Variants in AKAP19 observed in about 807,000 individuals in gnomAD.
AKAP19 encodes the protein A-kinase anchoring protein 19.
the AKAP19 span, among the ~76,000 whole-genome samples, chr2:189,899,394 T>C: frequency 2.0e-5 from 3 of 152,294 alleles, no homozygotes; most frequent in Non-Finnish European, 4.4e-5. Context: ...TGTGATCTCC[T>C]CTCCTTCATA....
chr2:190,194,080 G>C, the AKAP19 span, among the ~76,000 whole-genome samples: 947 of 152,060 alleles, frequency 6.2e-3, 11 homozygotes, highest in African/African-American at 0.022. Flanking sequence ...AATATATGAG[G>C]CTTTTCTAGA....
chr2:189,939,784 A>G, the AKAP19 span, among the ~76,000 whole-genome samples: 1 of 152,246 alleles, frequency 6.6e-6, no homozygotes, highest in African/African-American at 2.4e-5. Context: ...AAAATTCACT[A>G]GGAACTCTTA....
chr2:190,020,644 G>C, the AKAP19 span, among the ~76,000 whole-genome samples: 1 of 152,086 alleles, frequency 6.6e-6, no homozygotes, highest in South Asian at 2.1e-4. Flanking sequence ...CAATTTAGTA[G>C]CATTAAGTAC....
At chr2:190,126,765 A>G in the AKAP19 span, among the ~76,000 whole-genome samples, 1 of 152,084 alleles carries the variant, frequency 6.6e-6, no homozygotes, top group Non-Finnish European at 1.5e-5. Flanking sequence ...GACAGGAAAA[A>G]GTAAAAAAAA....
At chr2:189,905,987 G>A in the AKAP19 span, among the ~76,000 whole-genome samples, 1 of 152,114 alleles carries the variant, frequency 6.6e-6, no homozygotes, top group South Asian at 2.1e-4. Flanking sequence ...CTTTTGAATT[G>A]GGTATTCATG....
the AKAP19 span, among the ~76,000 whole-genome samples, chr2:190,103,255 G>A: frequency 6.6e-6 from 1 of 152,124 alleles, no homozygotes; most frequent in Non-Finnish European, 1.5e-5. Context: ...GCAAAAGCTG[G>A]AAGCATTCCC....
chr2:189,922,550 G>A, the AKAP19 span, among the ~76,000 whole-genome samples: 1 of 152,184 alleles, frequency 6.6e-6, no homozygotes, highest in African/African-American at 2.4e-5. Flanking sequence ...CCCCAAATCA[G>A]TACTTGCTGT....
chr2:189,892,601 G>A, the AKAP19 span, among the ~76,000 whole-genome samples: 1 of 152,158 alleles, frequency 6.6e-6, no homozygotes, highest in Non-Finnish European at 1.5e-5. Context: ...TCCTTCCTCT[G>A]GAAGCTTCGT....
At chr2:190,027,057 A>G in the AKAP19 span, among the ~76,000 whole-genome samples, 3 of 152,348 alleles carry the variant, frequency 2.0e-5, no homozygotes, top group African/African-American at 7.2e-5. Flanking sequence ...TTCCATGATT[A>G]GAATTTCATA....
chr2:189,969,607 G>C, the AKAP19 span, among the ~76,000 whole-genome samples: 1 of 151,438 alleles, frequency 6.6e-6, no homozygotes, highest in Admixed American at 6.6e-5. Context: ...GCGGGCACCT[G>C]TGATCCCAGC....
At chr2:190,100,037 G>T in the AKAP19 span, among the ~76,000 whole-genome samples, 1 of 152,134 alleles carries the variant, frequency 6.6e-6, no homozygotes, top group East Asian at 1.9e-4. Flanking sequence ...CACTGGAGTT[G>T]GTTCTACTAA....
chr2:190,151,741 C>A, the AKAP19 span, among the ~76,000 whole-genome samples: 1 of 151,466 alleles, frequency 6.6e-6, no homozygotes, highest in East Asian at 2.0e-4. Context: ...GTGGCTCACG[C>A]CTGTAATCCC....
At chr2:190,074,021 G>A in the AKAP19 span, among the ~76,000 whole-genome samples, 1 of 148,992 alleles carries the variant, frequency 6.7e-6, no homozygotes, top group African/African-American at 2.5e-5. Context: ...CAGCCTGGAT[G>A]ACAGAGTGAG....
chr2:190,147,354 T>C, the AKAP19 span, among the ~76,000 whole-genome samples: 1,718 of 152,342 alleles, frequency 0.011, 17 homozygotes, highest in South Asian at 0.023. Context: ...GTTCCGTTGG[T>C]CTATGTGCCT....
At chr2:189,893,912 C>T in the AKAP19 span, among the ~76,000 whole-genome samples, 1 of 151,964 alleles carries the variant, frequency 6.6e-6, no homozygotes, top group Admixed American at 6.6e-5. Flanking sequence ...GGAACTAATC[C>T]CCTGGGCATA....
chr2:189,944,123 C>G, the AKAP19 span, among the ~76,000 whole-genome samples: 1 of 151,964 alleles, frequency 6.6e-6, no homozygotes. Context: ...TGGGAGAGGC[C>G]GGGGCAGAGT....
chr2:190,192,373 TAGG>T, the AKAP19 span, among the ~76,000 whole-genome samples: 7 of 151,970 alleles, frequency 4.6e-5, no homozygotes, highest in Non-Finnish European at 1.0e-4. Flanking sequence ...CATTAGATAA[TAGG>T]AGTACTCCAA....
chr2:190,111,771 T>G, the AKAP19 span, among the ~76,000 whole-genome samples: 5 of 152,334 alleles, frequency 3.3e-5, no homozygotes, highest in South Asian at 1.0e-3. Flanking sequence ...TACCAGAATG[T>G]GCACATATAC....
chr2:189,948,372 T>TC, the AKAP19 span, among the ~76,000 whole-genome samples: 1 of 151,860 alleles, frequency 6.6e-6, no homozygotes, highest in Non-Finnish European at 1.5e-5. Context: ...CCTGTTTTTT[T>TC]TGCATTTAAT....
Sources: allele counts gnomAD v4.1 joint callset (sites outside exome capture counted in the v4.1 genomes callset), GRCh38; gene constraint gnomAD v4.1.1; transcripts MANE v1.5; gene names NCBI Gene and HGNC (gene_info 2026-07-23, HGNC 2026-07-21).